Variants in POMT1 observed in about 807,000 individuals in gnomAD.
The protein encoded by POMT1 is protein O-mannosyl-transferase 1.
POMT1 carries 85 observed loss-of-function variants against 101.6 expected under a neutral mutation model. That is an observed-to-expected ratio of 0.84 (90% CI 0.70 to 1.00). The LOEUF (loss-of-function observed/expected upper bound fraction) is 1.00. Among genes scored for constraint, POMT1 ranks in the 50% least tolerant of loss-of-function variants. The pLI, the probability that POMT1 is intolerant of heterozygous loss-of-function variation, is 0.00. For missense variants in POMT1, 857 were observed against 930.4 expected (o/e 0.92, Z 1.03); for synonymous variants, 371 against 383.0 (o/e 0.97, Z 0.37).
chr9:131,522,912 C>T lies in POMT1; in HGVS notation c.2004-20C>T, dbSNP rs372767898. ...CGCAGTGGTCAGCCACCCTCCCCCA[C>T]GCTGCTCTGACCTCTGCAGGTCCCA... On this transcript the variant is annotated intron_variant, in intron 19 of 19. Transcript: ENST00000402686. This position sits in a 1 kb window ranked among gnomAD's most constrained non-coding sequence, Gnocchi z 5.5. The T allele has an allele frequency of 3.5e-4, 557 of 1,570,170 alleles. 4 individuals are homozygous for T. The Middle Eastern group carries it at 7.7e-3, about 22-fold the overall frequency.
chr9:131,509,846 C>T, intron 7 of POMT1, 38 bp downstream of exon 7: 2 of 1,614,246 alleles, frequency 1.2e-6, no homozygotes, highest in East Asian at 2.2e-5. Context: ...GTGTCCTCCT[C>T]CATCTCCTTA....
chr9:131,512,117 A>C lies in POMT1; in HGVS notation c.1063A>C (p.Ile355Leu). The C allele has an allele frequency of 6.2e-7, 1 of 1,614,034 alleles. No individual in the cohort carries two copies. Among genetic ancestry groups the C allele is most frequent in the Middle Eastern group, 1.6e-4 (1 of 6,062 alleles). Residue 355 changes from isoleucine to leucine, a missense_variant, in exon 11 of 20, where the codon ATT becomes CTT. Ile to Leu is a conservative substitution (Grantham distance 5, BLOSUM62 2). Coordinates refer to ENST00000402686, the MANE Select transcript of POMT1 (RefSeq NM_001077365.2). ...CTTCAAAGATGTCAATAACTGGTGG[A>C]TTGTAAAGGATCCCAGGAGGTGAGT... ...YPFKDVNNWWIVKDPRRHQLV... is the reference protein window; with the variant it reads ...YPFKDVNNWWLVKDPRRHQLV...
intron 8 of POMT1, 53 bp downstream of exon 8, chr9:131,510,049 A>T (rs2296949): frequency 6.2e-7 from 1 of 1,614,112 alleles, no homozygotes; most frequent in Non-Finnish European, 8.5e-7. Context: ...GGGCAGATGC[A>T]GATGTCACAG....
chr9:131,515,288 A>T (rs1398126975), intron 12 of POMT1, 138 bp from the exon 13 acceptor site: 5 of 832,668 alleles, frequency 6.0e-6, no homozygotes, highest in Non-Finnish European at 1.0e-5. Context: ...AGTAGCAGCA[A>T]CTCATGGGAC....
At position 131,512,065 on chromosome 9, in the gene POMT1, C is replaced by G; in HGVS notation, c.1011C>G (p.Ser337=). ...PMIYENGRGS[S]HQQQVTCYPF... is the part of the protein sequence containing the mutation. ...GATATGAGAACGGCCGAGGCAGCTC[C>G]CACCAGCAACAGGTGACCTGTTACC... The change falls in exon 11 of 20, where the codon TCC becomes TCG. Residue 337 remains serine, a synonymous_variant. Coordinates refer to ENST00000402686, the MANE Select transcript of POMT1 (RefSeq NM_001077365.2). 6.2e-7 allele frequency: 1 copy of G among 1,614,120 alleles called. No individual in the cohort carries two copies. Among genetic ancestry groups the G allele is most frequent in the Non-Finnish European group, 8.5e-7 (1 of 1,180,018 alleles).
In POMT1 at chr9:131,513,197, G is replaced by A. The variant is rs754381871; in HGVS notation, c.1083-42G>A. 2.6e-6 allele frequency: 4 copies of A among 1,554,748 alleles called. No homozygotes were observed. In the African/African-American group the frequency reaches 4.1e-5, roughly 16 times the overall value. ...CTCCGGTGCAGCTGTTAGTTCGAGG[G>A]GACCAGGCTCTGTGTGGTCCCGACA... is the stretch of plus-strand genomic sequence containing the variant. On this transcript the variant is annotated intron_variant, in intron 11 of 19. Transcript: ENST00000402686.
Position 131,509,992 on chromosome 9 carries a change from C to T in POMT1, c.695C>T (p.Ser232Phe), listed in dbSNP as rs1564346414. 1 of 1,614,200 alleles carries T rather than the reference C, an allele frequency of 6.2e-7. No homozygotes were observed. The highest frequency in any genetic ancestry group is 8.5e-7 in the Non-Finnish European group (1 of 1,180,034). ...CACCTGCTTGGAGACCAGACTTTGT[C>T]CAATGTAGGTGCTGATGTCCAGTGC... Reference protein sequence around the residue: ...AWHLLGDQTLSNVCVFCHLLA... With the variant: ...AWHLLGDQTLFNVCVFCHLLA... Residue 232 changes from serine (S) to phenylalanine (F), a missense_variant, in exon 8 of 20, where the codon TCC becomes TTC. Physicochemically the swap from Ser to Phe is radical, Grantham distance 155. Transcript: ENST00000402686.
chr9:131,510,579 A>C, intron 9 of POMT1, 164 bp downstream of exon 9: 3 of 997,202 alleles, frequency 3.0e-6, no homozygotes, highest in South Asian at 1.4e-5. Context: ...TTACTCTGTC[A>C]CCCAAACTCC....
chr9:131,508,860 A>T (rs1288831579), intron 5 of POMT1, 51 bp from the exon 6 acceptor site: 3 of 1,300,478 alleles, frequency 2.3e-6, no homozygotes, highest in Non-Finnish European at 2.2e-6. Flanking sequence ...TCATCCTCAT[A>T]CGTTTTCCCT....
At chr9:131,508,779 G>A in intron 5 of POMT1, 132 bp from the exon 6 acceptor site, 2 of 704,100 alleles carry the variant, frequency 2.8e-6, no homozygotes, top group South Asian at 3.0e-5. Context: ...TCTATAGAAT[G>A]TTTTAACATT....
chr9:131,521,503 T>C, intron 18 of POMT1, 31 bp downstream of exon 18: 3 of 1,608,954 alleles, frequency 1.9e-6, no homozygotes, highest in Non-Finnish European at 2.6e-6. Flanking sequence ...GCTTTCTTTC[T>C]TTTTAATATA....
rs1554770656 is a variant in POMT1, at chr9:131,504,747, ATGTGTG to A, written c.122+409_122+414del. ...TGAAGGGCTCTTTATTAACTGATTA[ATGTGTG>A]TATGTGTGTGTGTGTGTGTGTGTGT... On this transcript the variant is annotated intron_variant, in intron 2 of 19. Coordinates refer to ENST00000402686, the MANE Select transcript of POMT1 (RefSeq NM_001077365.2). 8.4e-3 allele frequency among the ~76,000 whole-genome samples: 1,034 copies of A among 122,726 alleles called. 18 individuals are homozygous for A. Among genetic ancestry groups the A allele is most frequent in the East Asian group, 0.078 (340 of 4,368 alleles). 80.5% of individuals were successfully genotyped at this position (122,726 alleles called of 152,430 possible). A position where few individuals can be genotyped will look rare whatever the true frequency, so the allele number is the denominator to read the frequency against.
intron 12 of POMT1, among the ~76,000 whole-genome samples, chr9:131,514,673 T>C (rs920059236): frequency 2.9e-4 from 44 of 152,152 alleles, no homozygotes; most frequent in African/African-American, 1.1e-3. Flanking sequence ...TGGGTGTTCC[T>C]GACCGGGCGT....
chr9:131,509,072 T>C (rs745807081), intron 6 of POMT1, 50 bp downstream of exon 6: 6 of 1,388,122 alleles, frequency 4.3e-6, no homozygotes, highest in Non-Finnish European at 6.1e-6. Flanking sequence ...AGATTCTGGG[T>C]GGTTTGTTGA....
At chr9:131,510,527 A>C in intron 9 of POMT1, 112 bp downstream of exon 9, 2 of 1,355,460 alleles carry the variant, frequency 1.5e-6, no homozygotes, top group East Asian at 4.9e-5. Flanking sequence ...AACATGAAGA[A>C]TCCACATCCA....
At chr9:131,514,981 G>A (rs549581352) in intron 12 of POMT1, among the ~76,000 whole-genome samples, 4 of 152,158 alleles carry the variant, frequency 2.6e-5, no homozygotes, top group Admixed American at 6.5e-5. Context: ...GTGGGTGTTC[G>A]TTAACATTGA....
chr9:131,516,076 C>CTA (rs1491379835), intron 13 of POMT1, among the ~76,000 whole-genome samples: 207 of 135,216 alleles, frequency 1.5e-3, no homozygotes, highest in African/African-American at 3.1e-3. Flanking sequence ...GACACTTCCT[C>CTA]ACACGGAGCA....
chr9:131,510,204 A>G (rs1564347777), intron 8 of POMT1, 56 bp from the exon 9 acceptor site: 17 of 1,613,088 alleles, frequency 1.1e-5, no homozygotes, highest in Non-Finnish European at 1.4e-5. Flanking sequence ...CAATGTCTAG[A>G]GGTGGGTACG....
chr9:131,519,030 A>T lies in POMT1; in HGVS notation c.1486+73A>T. On this transcript the variant is annotated intron_variant, in intron 15 of 19. Coordinates refer to ENST00000402686, the MANE Select transcript of POMT1 (RefSeq NM_001077365.2). This position sits in a 1 kb window ranked among gnomAD's most constrained non-coding sequence, Gnocchi z 4.3. ...TGCTCAATATTTGATAACACCCCAG[A>T]GTTCTCATTTTGGTGGGAAGGGAAC... is the stretch of plus-strand genomic sequence containing the variant. 1.2e-6 allele frequency: 2 copies of T among 1,603,124 alleles called. No individual in the cohort carries two copies. The highest frequency in any genetic ancestry group is 1.7e-6 in the Non-Finnish European group (2 of 1,177,650).
Sources: allele counts gnomAD v4.1 joint callset (sites outside exome capture counted in the v4.1 genomes callset), GRCh38; gene constraint gnomAD v4.1.1; non-coding constraint Gnocchi (gnomAD v3.1); transcripts MANE v1.5; gene names NCBI Gene and HGNC (gene_info 2026-07-23, HGNC 2026-07-21).